The following SLC14A2 variants were observed in gnomAD, a reference collection of about 807,000 sequenced individuals.
SLC14A2 encodes the protein solute carrier family 14 member 2, also known as urea transporter 2.
Under a neutral mutation model 104.6 loss-of-function variants are expected in SLC14A2, and 91 were observed. The ratio of observed to expected loss-of-function variants is 0.87; its 90% CI spans 0.73 to 1.04. The LOEUF (loss-of-function observed/expected upper bound fraction) is 1.04, where lower values mean the gene tolerates loss of function less well. Ranked by LOEUF, SLC14A2 falls within the 50% of genes least tolerant of loss-of-function variation. SLC14A2 has a pLI of 0.00. For synonymous variants in SLC14A2, 476 were observed against 466.4 expected, an observed-to-expected ratio of 1.02 and a Z score of -0.27; for missense variants, 1,189 against 1,156.0, an observed-to-expected ratio of 1.03 and a Z score of -0.41.
intron 1 of SLC14A2, among the ~76,000 whole-genome samples, chr18:45,622,518 G>A (rs1228476162): frequency 2.0e-5 from 3 of 152,160 alleles, no homozygotes; most frequent in Non-Finnish European, 2.9e-5. Flanking sequence ...CTGGAAATGT[G>A]AGTTTTGAGG....
intron 1 of SLC14A2, among the ~76,000 whole-genome samples, chr18:45,401,347 T>G (rs2086093989): frequency 6.6e-6 from 1 of 152,232 alleles, no homozygotes; most frequent in African/African-American, 2.4e-5. Flanking sequence ...GGGTAGGGAC[T>G]ATTTTAGGTG....
chr18:45,252,937 T>A (rs1024528573), intron 1 of SLC14A2, among the ~76,000 whole-genome samples: 15 of 152,072 alleles, frequency 9.9e-5, no homozygotes, highest in Non-Finnish European at 2.1e-4. Context: ...GATTTGAACA[T>A]TTCTACAGAT....
At chr18:45,418,132 G>A (rs1055941862) in intron 1 of SLC14A2, among the ~76,000 whole-genome samples, 20 of 152,168 alleles carry the variant, frequency 1.3e-4, no homozygotes, top group African/African-American at 4.8e-4. Context: ...TTTTAGAAAA[G>A]CAACAATATT....
intron 1 of SLC14A2, among the ~76,000 whole-genome samples, chr18:45,272,723 C>G (rs1333123933): frequency 6.6e-6 from 1 of 152,016 alleles, no homozygotes; most frequent in Non-Finnish European, 1.5e-5. Context: ...TCAATAATAA[C>G]TTAGTTGTAT....
chr18:45,206,270 G>A, the SLC14A2 span, among the ~76,000 whole-genome samples: 1 of 152,122 alleles, frequency 6.6e-6, no homozygotes, highest in South Asian at 2.1e-4. Context: ...GTAGTGGAAA[G>A]GCTGTAATCC....
intron 2 of SLC14A2, among the ~76,000 whole-genome samples, chr18:45,549,410 C>G (rs989702602): frequency 6.6e-6 from 1 of 152,214 alleles, no homozygotes; most frequent in Non-Finnish European, 1.5e-5. Flanking sequence ...GCTGCCTTCT[C>G]AAATCCTGAG....
At chr18:45,360,657 G>C (rs2085601409) in intron 1 of SLC14A2, among the ~76,000 whole-genome samples, 1 of 152,198 alleles carries the variant, frequency 6.6e-6, no homozygotes, top group Non-Finnish European at 1.5e-5. Context: ...TTGCCTAAAG[G>C]CTCTCTAGCT....
chr18:45,590,332 A>C (rs2044630572), intron 2 of SLC14A2, among the ~76,000 whole-genome samples: 1 of 152,142 alleles, frequency 6.6e-6, no homozygotes, highest in African/African-American at 2.4e-5. Flanking sequence ...TGTTTTTTGC[A>C]TAAACTCACA....
chr18:45,429,059 T>G (rs2302842), intron 1 of SLC14A2, among the ~76,000 whole-genome samples: 1 of 152,058 alleles, frequency 6.6e-6, no homozygotes, highest in Non-Finnish European at 1.5e-5. Flanking sequence ...CAGAATTTAC[T>G]TTTTCAAATA....
At chr18:45,547,133 C>A (rs1200527249) in intron 2 of SLC14A2, among the ~76,000 whole-genome samples, 2 of 151,986 alleles carry the variant, frequency 1.3e-5, no homozygotes, top group Non-Finnish European at 2.9e-5. Flanking sequence ...CCAGACCAAC[C>A]AGTTCTTGTA....
At chr18:45,542,013 C>A (rs2043890696) in intron 2 of SLC14A2, among the ~76,000 whole-genome samples, 1 of 103,200 alleles carries the variant, frequency 9.7e-6, no homozygotes, top group Non-Finnish European at 1.9e-5. Flanking sequence ...TTCCTAGGGG[C>A]TTGTTAGATG....
chr18:45,279,570 C>T (rs2084740211), intron 1 of SLC14A2, among the ~76,000 whole-genome samples: 1 of 152,138 alleles, frequency 6.6e-6, no homozygotes, highest in Non-Finnish European at 1.5e-5. Flanking sequence ...GTGTAGTTTA[C>T]TTCCATCTCA....
intron 9 of SLC14A2, 120 bp downstream of exon 9, chr18:45,643,301 G>A (rs987433296): frequency 5.3e-5 from 45 of 843,054 alleles, no homozygotes; most frequent in Middle Eastern, 2.2e-4. Context: ...GTGCTCACAC[G>A]ACATCTCTGT....
chr18:45,350,632 T>C (rs2085493819), intron 1 of SLC14A2, among the ~76,000 whole-genome samples: 1 of 152,176 alleles, frequency 6.6e-6, no homozygotes, highest in African/African-American at 2.4e-5. Context: ...GATGCGGTAA[T>C]GCCGCTGACG....
At chr18:45,439,632 TA>T (rs1281507650) in intron 1 of SLC14A2, among the ~76,000 whole-genome samples, 2 of 152,160 alleles carry the variant, frequency 1.3e-5, no homozygotes, top group Non-Finnish European at 2.9e-5. Context: ...TATAATTAGC[TA>T]AATAATTATA....
intron 2 of SLC14A2, among the ~76,000 whole-genome samples, chr18:45,534,678 G>A (rs376865071): frequency 4.6e-5 from 7 of 152,244 alleles, no homozygotes; most frequent in East Asian, 1.9e-4. Context: ...TTGAGCCTTC[G>A]TGGAGGATAT....
At chr18:45,311,800 G>A (rs1023879950) in intron 1 of SLC14A2, among the ~76,000 whole-genome samples, 1 of 152,212 alleles carries the variant, frequency 6.6e-6, no homozygotes, top group Admixed American at 6.5e-5. Context: ...GATTTAGGAG[G>A]ACTGATCTGT....
At chr18:45,625,601 A>C (rs1599081275) in intron 2 of SLC14A2, 82 bp from the exon 3 acceptor site, 1 of 1,184,714 alleles carries the variant, frequency 8.4e-7, no homozygotes, top group Non-Finnish European at 1.2e-6. Context: ...TTATCAAAAA[A>C]CCTGCCACCC....
In SLC14A2 at chr18:45,542,035, G is replaced by GTTTTTTTTTTTTT. The variant is rs60977948; in HGVS notation, c.-35+58738_-35+58750dup. Among the ~76,000 whole-genome samples, 53 of 54,230 alleles carry GTTTTTTTTTTTTT rather than the reference G, an allele frequency of 9.8e-4. 8 individuals carry two copies. The highest frequency in any genetic ancestry group is 1.3e-3 in the Admixed American group (6 of 4,546). 35.6% of individuals were successfully genotyped at this position (54,230 alleles called of 152,430 possible). ...GGGCTTGTTAGATGAAAGAGAGAGG[G>GTTTTTTTTTTTTT]TTTTTTTTTTTTTTTTTTTTTTTTT... On this transcript the variant is annotated intron_variant, in intron 2 of 20. Coordinates refer to the SLC14A2 transcript ENST00000586448.
Sources: gnomAD v4.1 joint callset for allele counts (sites outside exome capture counted in the v4.1 genomes callset) on GRCh38, gnomAD v4.1.1 for gene constraint, MANE v1.5 for transcripts, NCBI Gene and HGNC (gene_info 2026-07-23, HGNC 2026-07-21) for gene names.